The following FER1L6 variants were observed in gnomAD, a reference collection of about 807,000 sequenced individuals.
FER1L6 encodes the protein fer-1-like protein 6.
A neutral mutation model predicts 219.2 loss-of-function variants in FER1L6; 177 were observed. The ratio of observed to expected loss-of-function variants is 0.81; its 90% CI spans 0.71 to 0.91. The LOEUF (loss-of-function observed/expected upper bound fraction) is 0.91, where lower values mean the gene tolerates loss of function less well. Ranked by LOEUF, FER1L6 falls within the 40% of genes least tolerant of loss-of-function variation. The pLI, the probability that FER1L6 is intolerant of heterozygous loss-of-function variation, is 0.00. For missense variants in FER1L6, 2,153 were observed against 2,259.9 expected (o/e 0.95, Z 0.96); for synonymous variants, 768 against 824.3 (o/e 0.93, Z 1.17).
intron 33 of FER1L6, among the ~76,000 whole-genome samples, chr8:124,087,760 TC>T (rs1172687969): frequency 6.6e-6 from 1 of 152,122 alleles, no homozygotes; most frequent in Admixed American, 6.5e-5. Context: ...GGTATTATAA[TC>T]TAAATATTTG....
chr8:124,118,988 C>G, intron 40 of FER1L6, 44 bp downstream of exon 40: 1 of 1,467,278 alleles, frequency 6.8e-7, no homozygotes, highest in Middle Eastern at 1.9e-4. Context: ...GGGAAGGGGC[C>G]TTTGCAGTCC....
chr8:123,976,143 G>A, intron 9 of FER1L6, 59 bp downstream of exon 9: 1 of 1,281,942 alleles, frequency 7.8e-7, no homozygotes, highest in Non-Finnish European at 1.1e-6. Context: ...CTCTATCCAA[G>A]ATATGTTTAA....
At chr8:124,013,031 C>A (rs1456968295) in intron 14 of FER1L6, among the ~76,000 whole-genome samples, 1 of 113,924 alleles carries the variant, frequency 8.8e-6, no homozygotes, top group Admixed American at 7.8e-5. Context: ...ATGATTATAT[C>A]CCTATGTAAA....
At chr8:124,115,267 T>G (rs1351207714) in intron 39 of FER1L6, among the ~76,000 whole-genome samples, 1 of 151,768 alleles carries the variant, frequency 6.6e-6, no homozygotes, top group East Asian at 1.9e-4. Flanking sequence ...AGGATATTAT[T>G]AGCTTATGAC....
intron 18 of FER1L6, among the ~76,000 whole-genome samples, chr8:124,029,674 A>G (rs370400084): frequency 2.6e-5 from 4 of 152,350 alleles, no homozygotes; most frequent in East Asian, 1.9e-4. Flanking sequence ...GACCTTTGTC[A>G]GATGGGTAGA....
intron 21 of FER1L6, 187 bp downstream of exon 21, chr8:124,046,088 C>A: frequency 1.8e-6 from 1 of 566,358 alleles, no homozygotes; most frequent in South Asian, 3.4e-5. Flanking sequence ...TGATCATTTG[C>A]TTTACTAAAA....
chr8:123,926,492 C>T (rs35675460), intron 1 of FER1L6, among the ~76,000 whole-genome samples: 5,460 of 152,150 alleles, frequency 0.036, 327 homozygotes, highest in African/African-American at 0.12. Flanking sequence ...AAGGCTAGAG[C>T]GGGCAGGATG....
At chr8:124,094,853 T>G in intron 34 of FER1L6, 43 bp from the exon 35 acceptor site, 1 of 1,609,782 alleles carries the variant, frequency 6.2e-7, no homozygotes. Flanking sequence ...ACTGTCTCCT[T>G]GCAGGAACAC....
At position 123,853,530 on chromosome 8, in the gene FER1L6, G is replaced by A. The variant is rs1270280393; in HGVS notation, c.-8+1345G>A. On this transcript the variant is annotated intron_variant, in intron 1 of 40. Coordinates refer to ENST00000522917, the MANE Select transcript of FER1L6 (RefSeq NM_001039112.2). This position sits in a 1 kb window ranked among gnomAD's most constrained non-coding sequence, Gnocchi z 6.6. Reference sequence around the variant, plus strand: ...GAGGAAATGATACAGATGATGATTTGGACCCAAGGCTGTTGAAAAATTGTT... The same window carrying A: ...GAGGAAATGATACAGATGATGATTTAGACCCAAGGCTGTTGAAAAATTGTT... Among the ~76,000 whole-genome samples, 1 of 152,194 alleles carries A rather than the reference G, an allele frequency of 6.6e-6. No individual in the cohort carries two copies.
chr8:123,937,106 A>G (rs1048902783), intron 1 of FER1L6, among the ~76,000 whole-genome samples: 22 of 152,110 alleles, frequency 1.4e-4, no homozygotes, highest in Non-Finnish European at 2.4e-4. Context: ...GGGTTTCACC[A>G]TGTTGGCCAG....
chr8:123,967,128 G>T (rs1815579498), intron 5 of FER1L6, among the ~76,000 whole-genome samples: 2 of 150,070 alleles, frequency 1.3e-5, no homozygotes. Flanking sequence ...TATGGCAAAA[G>T]AGACAAAAAG....
In FER1L6 at chr8:123,911,147, G is replaced by A. The variant is rs140972104; in HGVS notation, c.-7-44845G>A. Among the ~76,000 whole-genome samples, 5 of 152,188 alleles carry A rather than the reference G, an allele frequency of 3.3e-5. 1 individual carries two copies. The highest frequency in any genetic ancestry group is 3.9e-4 in the East Asian group (2 of 5,180). ...TATTGTTTGTTATTAGGGAAGTAAA[G>A]TTCTAGAGTTGGAAATGAAAAGATT... is the stretch of plus-strand genomic sequence containing the variant. On this transcript the variant is annotated intron_variant, in intron 1 of 40. Transcript: ENST00000522917.
rs1364667368 is a variant in FER1L6 at position 124,066,476 on chromosome 8, A to G, written c.3604A>G (p.Ile1202Val). Residue 1202 changes from isoleucine (I) to valine (V), a missense_variant, in exon 27 of 41, where the codon ATA (isoleucine) becomes GTA (valine). By Grantham distance (29) the Ile-to-Val change is conservative. Coordinates refer to ENST00000522917, the MANE Select transcript of FER1L6 (RefSeq NM_001039112.2). Reference sequence around the variant, plus strand: ...GTCCACTAAGAGGAGAAAGAGGACCATAGCAGATGAATCTGCTGAAAACGT... The same window carrying G: ...GTCCACTAAGAGGAGAAAGAGGACCGTAGCAGATGAATCTGCTGAAAACGT... ...RRSTKRRKRT[I>V]ADESAENVID... is the part of the protein sequence containing the mutation. 2 of 1,613,912 alleles carry G rather than the reference A, an allele frequency of 1.2e-6. No individual in the cohort carries two copies. Among genetic ancestry groups the G allele is most frequent in the East Asian group, 2.2e-5 (1 of 44,866 alleles).
chr8:124,085,664 T>C (rs1479937807), intron 33 of FER1L6, among the ~76,000 whole-genome samples: 1 of 152,192 alleles, frequency 6.6e-6, no homozygotes, highest in Non-Finnish European at 1.5e-5. Context: ...TTGAGAATGT[T>C]CCATGTGCTA....
At chr8:123,946,957 T>G (rs1241994773) in intron 1 of FER1L6, among the ~76,000 whole-genome samples, 1 of 152,186 alleles carries the variant, frequency 6.6e-6, no homozygotes, top group Non-Finnish European at 1.5e-5. Context: ...GTGTACTTTT[T>G]TTTGAATGAC....
intron 22 of FER1L6, chr8:124,058,713 C>T (rs1334295793): frequency 1.3e-5 from 2 of 152,160 alleles, no homozygotes; most frequent in African/African-American, 4.8e-5. Context: ...ACAGCTGTTT[C>T]GTGGCTTTCC....
intron 1 of FER1L6, among the ~76,000 whole-genome samples, chr8:123,859,462 C>A (rs372366819): frequency 2.0e-5 from 3 of 151,824 alleles, no homozygotes; most frequent in African/African-American, 4.8e-5. Flanking sequence ...CTGAAACTTT[C>A]TACACTATGA....
rs748513112 is a variant in FER1L6, at chr8:123,970,120, T to C, written c.447+23T>C. 3.1e-6 allele frequency: 5 copies of C among 1,609,218 alleles called. No individual in the cohort carries two copies. The African/African-American group carries it at 6.7e-5, about 22-fold the overall frequency. On this transcript the variant is annotated intron_variant, in intron 6 of 40. Transcript: ENST00000522917. ...TCCGTAAGTATAGCATTGGTGGTAA[T>C]AGTTGTGGAGAGGTGGGAGACATTT...
At chr8:123,935,126 C>G (rs1015249743) in intron 1 of FER1L6, among the ~76,000 whole-genome samples, 1 of 152,144 alleles carries the variant, frequency 6.6e-6, no homozygotes. Context: ...AAAATGGTGA[C>G]TTAAGTTTTT....
Sources: allele counts gnomAD v4.1 joint callset (sites outside exome capture counted in the v4.1 genomes callset), GRCh38; gene constraint gnomAD v4.1.1; non-coding constraint Gnocchi (gnomAD v3.1); transcripts MANE v1.5; gene names NCBI Gene and HGNC (gene_info 2026-07-23, HGNC 2026-07-21).